The following ATG5 variants were observed in gnomAD, a reference collection of about 807,000 sequenced individuals.
ATG5 encodes autophagy related 5.
A neutral mutation model predicts 36.5 loss-of-function variants in ATG5; 14 were observed. The ratio of observed to expected loss-of-function variants is 0.38; its 90% CI spans 0.25 to 0.60. ATG5 has a LOEUF of 0.60. Among genes scored for constraint, ATG5 ranks in the 20% least tolerant of loss-of-function variants. The pLI is 0.60. For missense variants in ATG5, 195 were observed against 326.7 expected, an observed-to-expected ratio of 0.60 and a Z score of 3.11; for synonymous variants, 95 against 101.5, an observed-to-expected ratio of 0.94 and a Z score of 0.38.
At chr6:106,233,680 C>T (rs1306500827) in intron 6 of ATG5, among the ~76,000 whole-genome samples, 1 of 152,128 alleles carries the variant, frequency 6.6e-6, no homozygotes. Flanking sequence ...GTGTAGACAT[C>T]TCATAACGTG....
At chr6:106,225,310 AT>A (rs1777411580) in intron 6 of ATG5, among the ~76,000 whole-genome samples, 1 of 152,174 alleles carries the variant, frequency 6.6e-6, no homozygotes, top group African/African-American at 2.4e-5. Flanking sequence ...ATTCATTCAG[AT>A]TTTTCAAGGT....
intron 5 of ATG5, among the ~76,000 whole-genome samples, chr6:106,255,156 G>T (rs1469403290): frequency 1.3e-5 from 2 of 152,124 alleles, no homozygotes; most frequent in Non-Finnish European, 2.9e-5. Flanking sequence ...AGAACATCTG[G>T]GCCAACATCT....
At chr6:106,297,286 A>C (rs2763219) in intron 3 of ATG5, among the ~76,000 whole-genome samples, 1 of 151,986 alleles carries the variant, frequency 6.6e-6, no homozygotes, top group African/African-American at 2.4e-5. Flanking sequence ...ATTTGATAGT[A>C]GGCAAATGCA....
chr6:106,194,423 C>T (rs537048871), intron 7 of ATG5, among the ~76,000 whole-genome samples: 1 of 152,244 alleles, frequency 6.6e-6, no homozygotes, highest in African/African-American at 2.4e-5. Context: ...CTTTTTCTAA[C>T]TGCTTCATGT....
intron 3 of ATG5, among the ~76,000 whole-genome samples, chr6:106,300,434 CA>C (rs1353995711): frequency 6.6e-6 from 1 of 152,090 alleles, no homozygotes; most frequent in African/African-American, 2.4e-5. Context: ...TTTGAAATCA[CA>C]AAGAGTATTA....
chr6:106,197,466 C>T (rs1416749970), intron 7 of ATG5, among the ~76,000 whole-genome samples: 1 of 124,454 alleles, frequency 8.0e-6, no homozygotes, highest in Non-Finnish European at 1.6e-5. Context: ...CGCCAAACCT[C>T]GTGTTGAAAT....
At chr6:106,257,570 C>A (rs73778108) in intron 5 of ATG5, among the ~76,000 whole-genome samples, 3,703 of 152,318 alleles carry the variant, frequency 0.024, 65 homozygotes, top group African/African-American at 0.049. Context: ...TGTACATTCA[C>A]TTCAGAATCA....
chr6:106,263,732 C>G (rs1218186716), intron 5 of ATG5, among the ~76,000 whole-genome samples: 1 of 152,068 alleles, frequency 6.6e-6, no homozygotes, highest in Non-Finnish European at 1.5e-5. Context: ...GAGTGGACTT[C>G]CAGCAAACTG....
chr6:106,255,492 T>C (rs1445777095), intron 5 of ATG5, among the ~76,000 whole-genome samples: 6 of 152,100 alleles, frequency 3.9e-5, no homozygotes. Flanking sequence ...AGACTGTAAA[T>C]TCCAATTTCA....
intron 7 of ATG5, among the ~76,000 whole-genome samples, chr6:106,192,794 C>T (rs112495420): frequency 1.3e-5 from 2 of 152,216 alleles, no homozygotes; most frequent in Admixed American, 6.5e-5. Flanking sequence ...AAAAATAGAG[C>T]GACGAGCTTT....
At chr6:106,295,101 T>C (rs555100300) in intron 3 of ATG5, among the ~76,000 whole-genome samples, 8 of 152,056 alleles carry the variant, frequency 5.3e-5, no homozygotes, top group East Asian at 3.9e-4. Context: ...TATAGTACTA[T>C]AGACAAGTTA....
chr6:106,204,962 T>C (rs544849985), intron 6 of ATG5, among the ~76,000 whole-genome samples: 1 of 152,216 alleles, frequency 6.6e-6, no homozygotes, highest in Non-Finnish European at 1.5e-5. Flanking sequence ...GATAATAAGG[T>C]TGAGGAGTTC....
chr6:106,318,683 T>C (rs1303691490), intron 1 of ATG5, among the ~76,000 whole-genome samples: 2 of 152,200 alleles, frequency 1.3e-5, no homozygotes, highest in South Asian at 2.1e-4. Context: ...GTAGTAGAGC[T>C]GATACAAATG....
At chr6:106,217,831 A>G (rs1777098036) in intron 6 of ATG5, among the ~76,000 whole-genome samples, 1 of 152,114 alleles carries the variant, frequency 6.6e-6, no homozygotes, top group Admixed American at 6.6e-5. Flanking sequence ...TGAAGAGAGA[A>G]TGGTCTATTG....
chr6:106,308,537 T>G (rs1562268411), intron 2 of ATG5, 46 bp from the exon 3 acceptor site: 3 of 1,376,362 alleles, frequency 2.2e-6, no homozygotes, highest in Non-Finnish European at 2.9e-6. Context: ...TAGTTATTAT[T>G]TTTAAAAAAT....
At chr6:106,284,614 C>A (rs1447148941) in intron 4 of ATG5, among the ~76,000 whole-genome samples, 1 of 152,134 alleles carries the variant, frequency 6.6e-6, no homozygotes, top group Non-Finnish European at 1.5e-5. Flanking sequence ...CTCATCCCCA[C>A]AAAGTGCTGG....
chr6:106,286,309 T>C (rs75788187), intron 4 of ATG5, among the ~76,000 whole-genome samples: 1 of 130,808 alleles, frequency 7.6e-6, no homozygotes, highest in Non-Finnish European at 1.7e-5. Flanking sequence ...CCAAAGCACA[T>C]GGGGCTCACC....
chr6:106,275,926 G>A (rs1229035377), intron 5 of ATG5, among the ~76,000 whole-genome samples: 1 of 152,172 alleles, frequency 6.6e-6, no homozygotes, highest in African/African-American at 2.4e-5. Flanking sequence ...AGTAGCCAAC[G>A]ACAATACATA....
At chr6:106,245,817 C>G (rs1778310194) in intron 6 of ATG5, among the ~76,000 whole-genome samples, 1 of 151,980 alleles carries the variant, frequency 6.6e-6, no homozygotes, top group Admixed American at 6.6e-5. Flanking sequence ...AGGTGTTAAT[C>G]AAAATGCTGC....
Sources: gnomAD v4.1 joint callset for allele counts (sites outside exome capture counted in the v4.1 genomes callset) on GRCh38, gnomAD v4.1.1 for gene constraint, MANE v1.5 for transcripts, NCBI Gene and HGNC (gene_info 2026-07-23, HGNC 2026-07-21) for gene names.